The following ZNF516 variants were observed in gnomAD, a reference collection of about 807,000 sequenced individuals.
ZNF516 encodes the protein zinc finger protein 516.
ZNF516 carries 19 observed loss-of-function variants against 79.7 expected under a neutral mutation model. That is an observed-to-expected ratio of 0.24 (90% CI 0.17 to 0.35). ZNF516 has a LOEUF of 0.35. Among genes scored for constraint, ZNF516 ranks in the 10% least tolerant of loss-of-function variants. The pLI, the probability that ZNF516 is intolerant of heterozygous loss-of-function variation, is 1.00. For synonymous variants in ZNF516, 877 were observed against 739.5 expected, an observed-to-expected ratio of 1.19 and a Z score of -3.02; for missense variants, 1,678 against 1,679.5, an observed-to-expected ratio of 1.00 and a Z score of 0.02.
At chr18:76,372,849 A>T (rs2074728832) in intron 4 of ZNF516, 2 of 152,266 alleles carry the variant, frequency 1.3e-5, no homozygotes, top group South Asian at 4.1e-4. Context: ...CATTTCAACC[A>T]ACACTCAAGT....
At chr18:76,432,814 C>G (rs937401921) in intron 3 of ZNF516, among the ~76,000 whole-genome samples, 3 of 152,210 alleles carry the variant, frequency 2.0e-5, no homozygotes, top group African/African-American at 7.2e-5. Flanking sequence ...TAGCATCACT[C>G]TCTACTGGGA....
rs1476235569 is a variant in ZNF516 at position 76,467,999 on chromosome 18, G to A, written c.-271-4858C>T. Among the ~76,000 whole-genome samples the A allele has an allele frequency of 1.3e-5, 2 of 152,076 alleles. No homozygotes were observed. Among genetic ancestry groups the A allele is most frequent in the African/African-American group, 4.8e-5 (2 of 41,404 alleles). ...CCAGACCTCCCTACGGACAGCACGC[G>A]ACGGACGGCCTTGCGGGACTCCCTG... On this transcript the variant is annotated intron_variant, in intron 1 of 6. Coordinates refer to ENST00000443185, the MANE Select transcript of ZNF516 (RefSeq NM_014643.4). This position sits in a 1 kb window ranked among gnomAD's most constrained non-coding sequence, Gnocchi z 4.2.
chr18:76,429,377 A>G (rs1020706164), intron 3 of ZNF516, among the ~76,000 whole-genome samples: 1 of 152,232 alleles, frequency 6.6e-6, no homozygotes, highest in Admixed American at 6.5e-5. Context: ...GACTGGACCT[A>G]GAGCCGTGGC....
chr18:76,421,970 GT>G (rs1183236034), intron 3 of ZNF516, among the ~76,000 whole-genome samples: 1 of 152,058 alleles, frequency 6.6e-6, no homozygotes, highest in Non-Finnish European at 1.5e-5. Context: ...GTTTTGTTTT[GT>G]TTTTTGTTTT....
At chr18:76,460,462 G>A (rs1183523702) in intron 2 of ZNF516, among the ~76,000 whole-genome samples, 1 of 152,074 alleles carries the variant, frequency 6.6e-6, no homozygotes, top group Non-Finnish European at 1.5e-5. Context: ...TAAATACAAA[G>A]TAACATCCGG....
chr18:76,452,550 A>C (rs2039554293), intron 2 of ZNF516, among the ~76,000 whole-genome samples: 1 of 152,208 alleles, frequency 6.6e-6, no homozygotes, highest in East Asian at 1.9e-4. Flanking sequence ...ATATGACCTA[A>C]ATGTTATTCT....
chr18:76,380,326 C>T (rs779386302), intron 3 of ZNF516, 23 bp from the exon 4 acceptor site: 35 of 1,604,794 alleles, frequency 2.2e-5, no homozygotes, highest in Admixed American at 5.0e-5. Context: ...AAATATGAAA[C>T]GGGAAGTTAC....
Position 76,441,196 on chromosome 18 carries a change from C to T in ZNF516, c.1810+49G>A, listed in dbSNP as rs1555711475. On this transcript the variant is annotated intron_variant, in intron 3 of 6. Coordinates refer to ENST00000443185, the MANE Select transcript of ZNF516 (RefSeq NM_014643.4). ...TACGTTTACCTGGAAGCAGGAACCCCCTGAGCCTGGGATCCCAGGACCCAG... is the reference window on the plus strand; with the variant it reads ...TACGTTTACCTGGAAGCAGGAACCCTCTGAGCCTGGGATCCCAGGACCCAG... 4 of 1,571,648 alleles carry T rather than the reference C, an allele frequency of 2.5e-6. No homozygotes were observed. In the East Asian group the frequency reaches 9.2e-5, roughly 36 times the overall value.
chr18:76,395,277 T>C (rs1435009222), intron 3 of ZNF516, among the ~76,000 whole-genome samples: 1 of 152,160 alleles, frequency 6.6e-6, no homozygotes, highest in African/African-American at 2.4e-5. Context: ...CTGCACCCCG[T>C]CCTAAACGAG....
At position 76,357,962 on chromosome 18, in the gene ZNF516, A is replaced by C. The variant is rs1266203570; in HGVS notation, c.*4536T>G. Among the ~76,000 whole-genome samples, 2 of 152,116 alleles carry C rather than the reference A, an allele frequency of 1.3e-5. No homozygotes were observed. The highest frequency in any genetic ancestry group is 4.8e-5 in the African/African-American group (2 of 41,404). On this transcript the variant is annotated 3_prime_UTR_variant, in exon 7 of 7. Transcript: ENST00000443185. The stretch of plus-strand genomic sequence containing the variant: ...AAAAACACAGCGTCTCCATTAAAAA[A>C]CTGTATGTCCTCGAGTCCACAAAAG...
chr18:76,404,887 TGTGA>T (rs1442041060), intron 3 of ZNF516, among the ~76,000 whole-genome samples: 7 of 152,306 alleles, frequency 4.6e-5, no homozygotes, highest in Middle Eastern at 3.4e-3. Context: ...TGAGCATGAC[TGTGA>T]GTAGGAGCGT....
At chr18:76,414,523 C>T (rs2075409376) in intron 3 of ZNF516, among the ~76,000 whole-genome samples, 1 of 152,238 alleles carries the variant, frequency 6.6e-6, no homozygotes. Context: ...TCAAGAGTTA[C>T]ACAGTAAACC....
At chr18:76,454,802 C>G (rs901028059) in intron 2 of ZNF516, among the ~76,000 whole-genome samples, 3 of 152,146 alleles carry the variant, frequency 2.0e-5, no homozygotes, top group Non-Finnish European at 4.4e-5. Context: ...AGCAAAATTC[C>G]ACTACAACTC....
chr18:76,496,274 AC>A, upstream of ZNF516: 1 of 1,287,566 alleles, frequency 7.8e-7, no homozygotes, highest in Non-Finnish European at 1.0e-6. Context: ...ATCTTCTCCC[AC>A]CAGGCTCCTG....
At chr18:76,372,256 T>C (rs1012106924) in intron 4 of ZNF516, among the ~76,000 whole-genome samples, 1 of 152,260 alleles carries the variant, frequency 6.6e-6, no homozygotes. Flanking sequence ...TGTTTCCTTC[T>C]GATCCAAAAA....
intron 4 of ZNF516, among the ~76,000 whole-genome samples, chr18:76,374,623 C>T (rs1470589401): frequency 6.6e-6 from 1 of 152,212 alleles, no homozygotes; most frequent in South Asian, 2.1e-4. Flanking sequence ...TGGAACATGT[C>T]CACTGCAAAA....
intron 2 of ZNF516, among the ~76,000 whole-genome samples, chr18:76,457,207 T>C (rs1196626326): frequency 6.6e-6 from 1 of 152,246 alleles, no homozygotes; most frequent in African/African-American, 2.4e-5. Flanking sequence ...TAAGATTCCT[T>C]TCTGGAAAGT....
intron 2 of ZNF516, 111 bp from the exon 3 acceptor site, chr18:76,443,322 G>C: frequency 4.0e-5 from 18 of 450,612 alleles, no homozygotes; most frequent in Non-Finnish European, 1.2e-5. Context: ...CCCACATTAA[G>C]AAAAGCGGCA....
At chr18:76,481,363 G>C (rs1164814757) in intron 1 of ZNF516, among the ~76,000 whole-genome samples, 1 of 152,190 alleles carries the variant, frequency 6.6e-6, no homozygotes, top group Non-Finnish European at 1.5e-5. Context: ...ACCCCCTCTT[G>C]GATGATGCTT....
Sources: gnomAD v4.1 joint callset for allele counts (sites outside exome capture counted in the v4.1 genomes callset) on GRCh38, gnomAD v4.1.1 for gene constraint, Gnocchi (gnomAD v3.1) non-coding constraint, MANE v1.5 for transcripts, NCBI Gene and HGNC (gene_info 2026-07-23, HGNC 2026-07-21) for gene names.